FTO: variants seen among roughly 807,000 people sequenced by gnomAD.
FTO encodes alpha-ketoglutarate-dependent dioxygenase FTO.
Under a neutral mutation model 63.9 loss-of-function variants are expected in FTO, and 47 were observed. The ratio of observed to expected loss-of-function variants is 0.74; its 90% CI spans 0.58 to 0.94. The LOEUF (loss-of-function observed/expected upper bound fraction) is 0.94, where lower values mean the gene tolerates loss of function less well. FTO is among the 40% of genes least tolerant of loss of function. The pLI, the probability that FTO is intolerant of heterozygous loss-of-function variation, is 0.00. For synonymous variants in FTO, 207 were observed against 224.4 expected, an observed-to-expected ratio of 0.92 and a Z score of 0.69; for missense variants, 562 against 618.1, an observed-to-expected ratio of 0.91 and a Z score of 0.96.
intron 8 of FTO, among the ~76,000 whole-genome samples, chr16:54,024,450 G>A (rs775676278): frequency 1.3e-5 from 2 of 151,838 alleles, no homozygotes; most frequent in East Asian, 1.9e-4. Flanking sequence ...GGCTGGTCTC[G>A]AACTCCTGAC....
chr16:54,108,162 A>G (rs1252272934), intron 8 of FTO, among the ~76,000 whole-genome samples: 1 of 152,174 alleles, frequency 6.6e-6, no homozygotes, highest in Non-Finnish European at 1.5e-5. Context: ...CACAGTCAGT[A>G]TTCCTCACAC....
At chr16:53,924,298 T>C (rs1301033454) in intron 7 of FTO, among the ~76,000 whole-genome samples, 1 of 152,158 alleles carries the variant, frequency 6.6e-6, no homozygotes, top group African/African-American at 2.4e-5. Context: ...CAAAGAAACA[T>C]TTTCCCTGAA....
chr16:53,839,961 CACCCAG>C (rs891995852), intron 3 of FTO, among the ~76,000 whole-genome samples: 5 of 151,846 alleles, frequency 3.3e-5, no homozygotes, highest in Non-Finnish European at 7.4e-5. Context: ...CGCACCACCA[CACCCAG>C]CTAATTTTTG....
chr16:53,897,191 A>T (rs1345077338), intron 7 of FTO, among the ~76,000 whole-genome samples: 1 of 150,850 alleles, frequency 6.6e-6, no homozygotes, highest in African/African-American at 2.4e-5. Flanking sequence ...TGTGATTGAC[A>T]TTTTTTTTTG....
At chr16:54,031,793 C>T (rs1483921903) in intron 8 of FTO, among the ~76,000 whole-genome samples, 1 of 152,150 alleles carries the variant, frequency 6.6e-6, no homozygotes, top group Non-Finnish European at 1.5e-5. Context: ...TTTAACTATG[C>T]CCATACCTTA....
chr16:53,826,539 C>T (rs1044191414), intron 3 of FTO, 48 bp downstream of exon 3: 1 of 1,591,620 alleles, frequency 6.3e-7, no homozygotes, highest in African/African-American at 1.3e-5. Flanking sequence ...ATAATATGAC[C>T]CGAGTTGTTT....
chr16:54,086,810 C>T (rs1284630857), intron 8 of FTO, among the ~76,000 whole-genome samples: 2 of 152,208 alleles, frequency 1.3e-5, no homozygotes, highest in Non-Finnish European at 2.9e-5. Flanking sequence ...AGTTAAATGC[C>T]TTTAGCAACT....
chr16:54,000,219 G>A (rs1488179868), intron 8 of FTO, among the ~76,000 whole-genome samples: 1 of 152,044 alleles, frequency 6.6e-6, no homozygotes, highest in East Asian at 1.9e-4. Flanking sequence ...ACCTCATGTT[G>A]ACATTTCAAG....
At chr16:54,108,090 C>T (rs568435155) in intron 8 of FTO, among the ~76,000 whole-genome samples, 1 of 152,284 alleles carries the variant, frequency 6.6e-6, no homozygotes, top group East Asian at 1.9e-4. Context: ...AGGTACCCCA[C>T]AGGAAAATTA....
intron 8 of FTO, among the ~76,000 whole-genome samples, chr16:54,098,010 G>A (rs1463441903): frequency 6.6e-6 from 1 of 152,178 alleles, no homozygotes; most frequent in African/African-American, 2.4e-5. Context: ...GGCCCCTTCA[G>A]GGTGAGCAAA....
intron 1 of FTO, among the ~76,000 whole-genome samples, chr16:53,755,025 A>G (rs1189967259): frequency 2.0e-5 from 3 of 152,206 alleles, no homozygotes; most frequent in South Asian, 2.1e-4. Context: ...TTTCCTAGGG[A>G]AAAGGGCTGA....
intron 2 of FTO, among the ~76,000 whole-genome samples, chr16:53,824,394 G>C (rs1388998946): frequency 6.6e-6 from 1 of 152,098 alleles, no homozygotes; most frequent in African/African-American, 2.4e-5. Flanking sequence ...CATATTTCTG[G>C]TGCCTTCTTT....
At chr16:54,109,650 GAGA>G (rs1277327200) in intron 8 of FTO, among the ~76,000 whole-genome samples, 5 of 152,318 alleles carry the variant, frequency 3.3e-5, no homozygotes, top group African/African-American at 1.2e-4. Context: ...GTCCTTTGAT[GAGA>G]AGAACAACAG....
chr16:53,984,321 C>CCTTTTTTTTTT (rs1555500067), intron 8 of FTO, among the ~76,000 whole-genome samples: 3 of 67,288 alleles, frequency 4.5e-5, no homozygotes, highest in African/African-American at 1.1e-4. Context: ...TGGAATGGGT[C>CCTTTTTTTTTT]TTTTTTTTTT....
chr16:53,903,503 G>T (rs2081457038), intron 7 of FTO, among the ~76,000 whole-genome samples: 1 of 151,970 alleles, frequency 6.6e-6, no homozygotes, highest in Admixed American at 6.6e-5. Context: ...AAGTGATCTG[G>T]CCGCCTCAGC....
chr16:54,065,117 T>TTATTTTATTA, intron 8 of FTO, among the ~76,000 whole-genome samples: 1 of 116,430 alleles, frequency 8.6e-6, no homozygotes, highest in South Asian at 3.7e-4. Flanking sequence ...TTATTTTATT[T>TTATTTTATTA]TATTTTATTT....
rs2086989581 is a variant in FTO at position 54,118,893 on chromosome 16, G to A, written c.*6978G>A. 1 of 152,182 alleles carries A rather than the reference G, an allele frequency of 6.6e-6. No homozygotes were observed. Among genetic ancestry groups the A allele is most frequent in the African/African-American group, 2.4e-5 (1 of 41,444 alleles). 9.4% of individuals were successfully genotyped at this position (152,182 alleles called of 1,614,324 possible). A position where few individuals can be genotyped will look rare whatever the true frequency, so the allele number is the denominator to read the frequency against. On this transcript the variant is annotated 3_prime_UTR_variant, in exon 9 of 9. Transcript: ENST00000471389. ...GCTAAAGTCCTACTCAAGTCCAAGG[G>A]AGAGAAATTATTATTATTCGTTTTG...
chr16:53,882,293 G>A (rs1393927880), intron 6 of FTO, among the ~76,000 whole-genome samples: 1 of 151,614 alleles, frequency 6.6e-6, no homozygotes, highest in Non-Finnish European at 1.5e-5. Context: ...AGACATTCTA[G>A]TACAGGGAGA....
rs142791685 is a variant in FTO, at chr16:53,817,052, A to G, written c.123+6835A>G. 5.6e-4 allele frequency among the ~76,000 whole-genome samples: 86 copies of G among 152,298 alleles called. No individual in the cohort carries two copies. The East Asian group carries it at 8.5e-3, about 15-fold the overall frequency. On this transcript the variant is annotated intron_variant, in intron 2 of 8. Coordinates refer to ENST00000471389, the MANE Select transcript of FTO (RefSeq NM_001080432.3). The stretch of plus-strand genomic sequence containing the variant: ...TCTCTTTTGGTTTCCATTTTGGTTT[A>G]TACTGTTAAATTATGAGATGCTGTC...
Sources: gnomAD v4.1 joint callset for allele counts (sites outside exome capture counted in the v4.1 genomes callset) on GRCh38, gnomAD v4.1.1 for gene constraint, MANE v1.5 for transcripts, NCBI Gene and HGNC (gene_info 2026-07-23, HGNC 2026-07-21) for gene names.